The following NRXN1 variants were observed in gnomAD, a reference collection of about 807,000 sequenced individuals.
NRXN1 encodes neurexin 1.
A neutral mutation model predicts 150.9 loss-of-function variants in NRXN1; 39 were observed. The observed-to-expected ratio is 0.26, with a 90% confidence interval of 0.20 to 0.34. NRXN1 has a LOEUF of 0.34. NRXN1 is among the 10% of genes least tolerant of loss of function. NRXN1 has a pLI of 1.00. For missense variants in NRXN1, 1,815 were observed against 1,949.9 expected, an observed-to-expected ratio of 0.93 and a Z score of 1.30; for synonymous variants, 924 against 757.0, an observed-to-expected ratio of 1.22 and a Z score of -3.62.
intron 17 of NRXN1, among the ~76,000 whole-genome samples, chr2:50,374,684 T>G (rs1010313414): frequency 6.6e-6 from 1 of 152,162 alleles, no homozygotes; most frequent in Non-Finnish European, 1.5e-5. Flanking sequence ...AACTATGTAA[T>G]TAGTGATTGC....
chr2:50,628,811 T>C (rs1055557909), intron 5 of NRXN1, among the ~76,000 whole-genome samples: 3 of 150,712 alleles, frequency 2.0e-5, no homozygotes, highest in Admixed American at 6.6e-5. Context: ...CTCTTACAAA[T>C]CAATAACAAC....
At chr2:50,518,318 G>A (rs2105099221) in intron 12 of NRXN1, among the ~76,000 whole-genome samples, 1 of 151,986 alleles carries the variant, frequency 6.6e-6, no homozygotes, top group Non-Finnish European at 1.5e-5. Context: ...TTCAGACTGT[G>A]ATTTTATTTT....
chr2:50,399,373 T>C (rs76763533), intron 17 of NRXN1, among the ~76,000 whole-genome samples: 2,231 of 152,228 alleles, frequency 0.015, 55 homozygotes, highest in African/African-American at 0.049. Context: ...CCAGCACTGT[T>C]AGAGGGTAAC....
At chr2:50,116,134 C>G in intron 18 of NRXN1, among the ~76,000 whole-genome samples, 1 of 151,588 alleles carries the variant, frequency 6.6e-6, no homozygotes. Flanking sequence ...GGAGTAATTT[C>G]TTGCACCTAT....
chr2:50,068,018 G>T (rs1695623191), intron 19 of NRXN1, among the ~76,000 whole-genome samples: 1 of 152,124 alleles, frequency 6.6e-6, no homozygotes, highest in Non-Finnish European at 1.5e-5. Context: ...AAAGATAGGT[G>T]AATGTTTCAT....
chr2:50,202,529 A>T (rs573731900), intron 18 of NRXN1, among the ~76,000 whole-genome samples: 1 of 152,186 alleles, frequency 6.6e-6, no homozygotes, highest in South Asian at 2.1e-4. Context: ...AAAACAAAAA[A>T]AAAGGAGGCA....
intron 5 of NRXN1, among the ~76,000 whole-genome samples, chr2:50,876,914 C>A (rs1043761944): frequency 3.3e-5 from 5 of 151,716 alleles, no homozygotes; most frequent in Non-Finnish European, 5.9e-5. Flanking sequence ...TTTTATTGGC[C>A]AAAGGAAATC....
chr2:50,827,812 C>G (rs978430834), intron 5 of NRXN1, among the ~76,000 whole-genome samples: 87 of 150,590 alleles, frequency 5.8e-4, no homozygotes, highest in African/African-American at 1.4e-3. Flanking sequence ...TGACTCTTAA[C>G]GAGCATGCTG....
At chr2:50,043,599 G>A (rs1691349235) in intron 21 of NRXN1, among the ~76,000 whole-genome samples, 1 of 152,158 alleles carries the variant, frequency 6.6e-6, no homozygotes, top group Non-Finnish European at 1.5e-5. Context: ...TCATTTTCTA[G>A]CTGTGGACTC....
At chr2:50,954,470 T>C (rs1691938480) in intron 2 of NRXN1, among the ~76,000 whole-genome samples, 1 of 152,134 alleles carries the variant, frequency 6.6e-6, no homozygotes, top group Admixed American at 6.5e-5. Flanking sequence ...GGTTCAGCCA[T>C]TTATGGGGCA....
chr2:50,302,496 C>T (rs1362318798), intron 17 of NRXN1, among the ~76,000 whole-genome samples: 3 of 152,074 alleles, frequency 2.0e-5, no homozygotes, highest in East Asian at 1.9e-4. Context: ...GTCAAGAATG[C>T]CTTGATTGAC....
chr2:50,837,228 C>T (rs918332452), intron 5 of NRXN1, among the ~76,000 whole-genome samples: 12 of 152,102 alleles, frequency 7.9e-5, no homozygotes, highest in African/African-American at 2.9e-4. Context: ...CTACTCATAG[C>T]CAAGTGAAAG....
chr2:50,867,635 A>G (rs1265620160), intron 5 of NRXN1, among the ~76,000 whole-genome samples: 2 of 151,706 alleles, frequency 1.3e-5, no homozygotes, highest in African/African-American at 2.4e-5. Context: ...ATTATCTATC[A>G]GGTAATTGCA....
At chr2:50,329,096 A>G (rs1340666595) in intron 17 of NRXN1, among the ~76,000 whole-genome samples, 1 of 152,226 alleles carries the variant, frequency 6.6e-6, no homozygotes, top group East Asian at 1.9e-4. Context: ...ATTCCTAAAC[A>G]TTAATAGCAC....
chr2:50,601,976 G>C (rs1476870070), intron 8 of NRXN1, among the ~76,000 whole-genome samples: 3 of 152,138 alleles, frequency 2.0e-5, no homozygotes, highest in Admixed American at 6.6e-5. Flanking sequence ...GAGTTATAAA[G>C]AGTCTGGACC....
At chr2:50,621,327 C>T (rs1023221825) in intron 6 of NRXN1, 78 bp from the exon 7 acceptor site, 2 of 1,101,360 alleles carry the variant, frequency 1.8e-6, no homozygotes, top group Non-Finnish European at 2.7e-6. Context: ...ATATGATGGT[C>T]TCTACCATGT....
At chr2:50,608,338 T>A (rs543410005) in intron 8 of NRXN1, among the ~76,000 whole-genome samples, 2 of 152,108 alleles carry the variant, frequency 1.3e-5, no homozygotes, top group African/African-American at 4.8e-5. Context: ...CACTTGGGGA[T>A]CTTACTAAAA....
intron 5 of NRXN1, among the ~76,000 whole-genome samples, chr2:50,828,806 T>C (rs1206367983): frequency 4.0e-5 from 6 of 151,890 alleles, no homozygotes; most frequent in African/African-American, 9.7e-5. Flanking sequence ...GCAGAGACGC[T>C]CCTCACTTCC....
chr2:50,446,121 G>GA (rs1553622600), intron 17 of NRXN1, among the ~76,000 whole-genome samples: 4 of 147,522 alleles, frequency 2.7e-5, no homozygotes, highest in African/African-American at 7.5e-5. Context: ...GTGTGAACTG[G>GA]AAAAAAAAGA....
Sources: gnomAD v4.1 joint callset for allele counts (sites outside exome capture counted in the v4.1 genomes callset) on GRCh38, gnomAD v4.1.1 for gene constraint, MANE v1.5 for transcripts, NCBI Gene and HGNC (gene_info 2026-07-23, HGNC 2026-07-21) for gene names.